The following TASOR variants were observed in gnomAD, a reference collection of about 807,000 sequenced individuals.
TASOR encodes the protein protein TASOR.
Under a neutral mutation model 178.6 loss-of-function variants are expected in TASOR, and 53 were observed. The ratio of observed to expected loss-of-function variants is 0.30; its 90% CI spans 0.24 to 0.37. The LOEUF (loss-of-function observed/expected upper bound fraction) is 0.37. Among genes scored for constraint, TASOR ranks in the 10% least tolerant of loss-of-function variants. TASOR has a pLI of 1.00. For missense variants in TASOR, 1,815 were observed against 1,971.4 expected, an observed-to-expected ratio of 0.92 and a Z score of 1.50; for synonymous variants, 713 against 696.2, an observed-to-expected ratio of 1.02 and a Z score of -0.38.
At chr3:56,632,005 G>C (rs970884127) in intron 18 of TASOR, among the ~76,000 whole-genome samples, 1 of 152,138 alleles carries the variant, frequency 6.6e-6, no homozygotes, top group Non-Finnish European at 1.5e-5. Context: ...CAAGTTTCTT[G>C]ATCAATAAAG....
intron 11 of TASOR, among the ~76,000 whole-genome samples, chr3:56,652,388 T>C (rs1036910690): frequency 1.3e-5 from 2 of 151,994 alleles, no homozygotes; most frequent in African/African-American, 4.8e-5. Flanking sequence ...ACCCTGTCTC[T>C]ACAAAACATA....
chr3:56,647,595 C>T (rs528480898), intron 13 of TASOR, among the ~76,000 whole-genome samples: 49 of 152,290 alleles, frequency 3.2e-4, no homozygotes, highest in Non-Finnish European at 5.9e-4. Context: ...GCAAAACAGT[C>T]CTGCATGTCA....
In TASOR at chr3:56,641,529, C is replaced by G. The variant is rs1371679915; in HGVS notation, c.2439G>C (p.Glu813Asp). ...TATCTGGGGTAGAGTTCAACTCATACTCATGTTTTTGCCTCAGCTCTTCAT... is the reference window on the plus strand; with the variant it reads ...TATCTGGGGTAGAGTTCAACTCATAGTCATGTTTTTGCCTCAGCTCTTCAT... The part of the protein sequence containing the change: ...DAYEELRQKH[E>D]YELNSTPDKK... Residue 813 changes from glutamate to aspartate, a missense_variant, in exon 15 of 24, where the codon GAG becomes GAC. By Grantham distance (45) the Glu-to-Asp change is conservative (BLOSUM62 2). This residue lies in a region of TASOR where 655 missense variants were observed against 671.1 expected (regional missense o/e 0.98). Coordinates refer to ENST00000683822, the MANE Select transcript of TASOR (RefSeq NM_001365635.2). 1 of 1,614,174 alleles carries G rather than the reference C, an allele frequency of 6.2e-7. No homozygotes were observed. Among genetic ancestry groups the G allele is most frequent in the Non-Finnish European group, 8.5e-7 (1 of 1,180,012 alleles).
rs1283125939 is a variant in TASOR, at chr3:56,633,658, T to C, written c.3133A>G (p.Ser1045Gly). ...ILKQKNVSYV[S>G]TVSTPIFSTQ... ...GAAAAGATAGGTGTGGAAACTGTAC[T>C]GACATATGAAACATTCTTTTGCTTC... is the stretch of plus-strand genomic sequence containing the variant. The change falls in exon 18 of 24, where the codon AGT becomes GGT. Residue 1045 changes from serine (S) to glycine (G), a missense_variant. Ser to Gly is a moderately conservative substitution (Grantham distance 56). Coordinates refer to ENST00000683822, the MANE Select transcript of TASOR (RefSeq NM_001365635.2). The C allele has an allele frequency of 3.7e-6, 6 of 1,614,010 alleles. No homozygotes were observed. The highest frequency in any genetic ancestry group is 4.5e-5 in the East Asian group (2 of 44,896).
chr3:56,644,638 TA>T (rs1446154060), intron 14 of TASOR, among the ~76,000 whole-genome samples: 1 of 152,090 alleles, frequency 6.6e-6, no homozygotes, highest in African/African-American at 2.4e-5. Flanking sequence ...ATGAGATTGG[TA>T]GCAAATTAGC....
chr3:56,647,253 A>G (rs939372604), intron 13 of TASOR, 30 bp from the exon 14 acceptor site: 4 of 1,488,092 alleles, frequency 2.7e-6, no homozygotes, highest in Non-Finnish European at 2.7e-6. Flanking sequence ...ACAAAAAAGC[A>G]AACCATGTTA....
intron 6 of TASOR, among the ~76,000 whole-genome samples, chr3:56,667,500 A>C (rs961273949): frequency 1.3e-5 from 2 of 152,014 alleles, no homozygotes; most frequent in Non-Finnish European, 2.9e-5. Flanking sequence ...TAAAAAAAAT[A>C]CAAAAAATTA....
At chr3:56,637,000 C>T (rs1169881530) in intron 17 of TASOR, among the ~76,000 whole-genome samples, 1 of 151,934 alleles carries the variant, frequency 6.6e-6, no homozygotes, top group East Asian at 2.0e-4. Context: ...GGTAAAACCC[C>T]GAAATCAGAA....
At chr3:56,654,992 C>A (rs2077439787) in intron 11 of TASOR, among the ~76,000 whole-genome samples, 1 of 152,144 alleles carries the variant, frequency 6.6e-6, no homozygotes, top group African/African-American at 2.4e-5. Flanking sequence ...TTTTTACATA[C>A]CACCCCCACC....
chr3:56,673,643 G>A lies in TASOR; in HGVS notation c.414C>T (p.Thr138=). ...GTCTGTAGTTAAAATTTGTTACTGA[G>A]GTTGGTTCAAGGTAAGAAGAATGGA... The part of the protein sequence containing the change: ...NILHSSYLEP[T]SVTNFNYRRA... Residue 138 remains threonine (T), a synonymous_variant, in exon 2 of 24, where the codon ACC becomes ACT. Transcript: ENST00000683822. 2 of 1,551,156 alleles carry A rather than the reference G, an allele frequency of 1.3e-6. No homozygotes were observed. The highest frequency in any genetic ancestry group is 1.4e-5 in the African/African-American group (1 of 73,072).
intron 11 of TASOR, among the ~76,000 whole-genome samples, chr3:56,660,489 CAAAAAAAAAA>C (rs35016053): frequency 3.0e-5 from 2 of 66,048 alleles, no homozygotes; most frequent in East Asian, 7.7e-4. Flanking sequence ...GACTCCGTCT[CAAAAAAAAAA>C]AAAAAAAAAA....
intron 14 of TASOR, among the ~76,000 whole-genome samples, chr3:56,643,967 T>A (rs1397753448): frequency 6.6e-6 from 1 of 152,216 alleles, no homozygotes; most frequent in Non-Finnish European, 1.5e-5. Context: ...TTCTCATCAT[T>A]TTAATTATTG....
At chr3:56,663,728 A>G (rs2107616187) in intron 7 of TASOR, 156 bp from the exon 8 acceptor site, 2 of 1,062,242 alleles carry the variant, frequency 1.9e-6, no homozygotes, top group African/African-American at 1.7e-5. Flanking sequence ...TACAAAGTCT[A>G]GTAAATCCAA....
At chr3:56,657,777 G>A (rs747804708) in intron 11 of TASOR, among the ~76,000 whole-genome samples, 7 of 152,162 alleles carry the variant, frequency 4.6e-5, no homozygotes, top group South Asian at 2.1e-4. Flanking sequence ...CTCCTGAAGC[G>A]ATTTTATTTA....
intron 11 of TASOR, among the ~76,000 whole-genome samples, chr3:56,650,085 CA>C (rs1331780793): frequency 6.6e-6 from 1 of 152,124 alleles, no homozygotes; most frequent in Admixed American, 6.5e-5. Flanking sequence ...CAATCTAATG[CA>C]AAGAATTTAT....
chr3:56,660,852 C>A lies in TASOR; in HGVS notation c.1265-18G>T. Reference sequence around the variant, plus strand: ...CTTCAAAACTGACATAAGAAAAATACATAGTAAATATCCAAATCAAGTCTG... The same window carrying A: ...CTTCAAAACTGACATAAGAAAAATAAATAGTAAATATCCAAATCAAGTCTG... On this transcript the variant is annotated intron_variant, in intron 10 of 23. Transcript: ENST00000683822. 1 of 1,610,336 alleles carries A rather than the reference C, an allele frequency of 6.2e-7. No homozygotes were observed. Among genetic ancestry groups the A allele is most frequent in the Non-Finnish European group, 8.5e-7 (1 of 1,177,838 alleles).
chr3:56,647,945 T>A (rs933560857), intron 13 of TASOR, among the ~76,000 whole-genome samples: 1 of 152,196 alleles, frequency 6.6e-6, no homozygotes, highest in African/African-American at 2.4e-5. Context: ...ATGCCTCTAA[T>A]CCCAGCAGCT....
chr3:56,672,448 T>C (rs1281264995), intron 2 of TASOR, among the ~76,000 whole-genome samples: 1 of 152,216 alleles, frequency 6.6e-6, no homozygotes. Context: ...CTGGTACCAC[T>C]TGGTTAACCA....
In TASOR at chr3:56,666,289, T is replaced by A. The variant is rs1322648476; in HGVS notation, c.993A>T (p.Ile331=). 1 of 1,545,014 alleles carries A rather than the reference T, an allele frequency of 6.5e-7. No individual in the cohort carries two copies. The highest frequency in any genetic ancestry group is 2.0e-5 in the Admixed American group (1 of 49,964). The change falls in exon 7 of 24, where the codon ATA becomes ATT. Residue 331 remains isoleucine (I), a synonymous_variant. Transcript: ENST00000683822. ...ATGAAGGTACAAACTTCGGAGTTTG[T>A]ATATCATCTTTGTAAGTAAAAGACA... ...AVVSFTYKDD[I]QTPKFVPSSR...
Sources: allele counts gnomAD v4.1 joint callset (sites outside exome capture counted in the v4.1 genomes callset), GRCh38; gene constraint gnomAD v4.1.1; regional missense constraint gnomAD v4.1.1; transcripts MANE v1.5; gene names NCBI Gene and HGNC (gene_info 2026-07-23, HGNC 2026-07-21).